Variants in ZNF500 observed in about 807,000 individuals in gnomAD.
The protein encoded by ZNF500 is zinc finger protein 500.
In ZNF500, 31 loss-of-function variants were observed where a neutral mutation model predicts 30.1. That is an observed-to-expected ratio of 1.03 (90% CI 0.77 to 1.39). The LOEUF (loss-of-function observed/expected upper bound fraction) is 1.39. ZNF500 is among the 40% of genes most tolerant of loss of function. The pLI is 0.00. For synonymous variants in ZNF500, 392 were observed against 282.0 expected, an observed-to-expected ratio of 1.39 and a Z score of -3.91; for missense variants, 817 against 657.8, an observed-to-expected ratio of 1.24 and a Z score of -2.65.
At position 4,752,488 on chromosome 16, in the gene ZNF500, C is replaced by A. The variant is rs373754612; in HGVS notation, c.1331G>T (p.Arg444Leu). ...CAGGTCGGTGCCCCGGCGGAAGCCC[C>A]GGCCACAGGCCGGGCAGGTGTAGGG... ...EKPYTCPACGRGFRRGTDLHK... is the reference protein window; with the variant it reads ...EKPYTCPACGLGFRRGTDLHK... The change falls in exon 6 of 6, where the codon CGG (arginine) becomes CTG (leucine). Residue 444 changes from arginine (R) to leucine (L), a missense_variant. Arg to Leu is a moderately radical substitution (Grantham distance 102). Coordinates refer to ENST00000219478, the MANE Select transcript of ZNF500 (RefSeq NM_021646.4). 3 of 1,548,688 alleles carry A rather than the reference C, an allele frequency of 1.9e-6. No homozygotes were observed. Among genetic ancestry groups the A allele is most frequent in the East Asian group, 2.4e-5 (1 of 41,366 alleles).
At position 4,752,519 on chromosome 16, in the gene ZNF500, C is replaced by G. The variant is rs1381178849; in HGVS notation, c.1300G>C (p.Glu434Gln). ...FSAHRRTHTG[E>Q]KPYTCPACGR... ...CAGGCCGGGCAGGTGTAGGGCTTCT[C>G]ACCTGTGTGCGTCCGGCGGTGGGCG... The change falls in exon 6 of 6, where the codon GAG becomes CAG. Residue 434 changes from glutamate (E) to glutamine (Q), a missense_variant. Transcript: ENST00000219478. 1 of 1,559,946 alleles carries G rather than the reference C, an allele frequency of 6.4e-7. No homozygotes were observed. The highest frequency in any genetic ancestry group is 1.9e-5 in the Admixed American group (1 of 52,858).
In ZNF500 at chr16:4,762,732, C is replaced by G. The variant is rs752327300; in HGVS notation, c.439G>C (p.Glu147Gln). ...QRGSELLSDD[E>Q]VPLGIGGQFL... The stretch of plus-strand genomic sequence containing the variant: ...TGTCCCCCTATCCCGAGGGGCACCT[C>G]GTCATCAGAAAGCAGCTCTGAGCCC... The change falls in exon 3 of 6, where the codon GAG becomes CAG. Residue 147 changes from glutamate (E) to glutamine (Q), a missense_variant. Glu to Gln is a conservative substitution (Grantham distance 29). Transcript: ENST00000219478. 6.2e-7 allele frequency: 1 copy of G among 1,611,184 alleles called. No homozygotes were observed. The highest frequency in any genetic ancestry group is 1.7e-5 in the Admixed American group (1 of 59,920).
chr16:4,754,535 G>C (rs985734438), intron 5 of ZNF500, among the ~76,000 whole-genome samples: 3 of 151,718 alleles, frequency 2.0e-5, no homozygotes. Context: ...GTAGTGGTGG[G>C]TGCCTGTAAT....
Position 4,752,358 on chromosome 16 carries a change from G to A in ZNF500, c.*18C>T. On this transcript the variant is annotated 3_prime_UTR_variant, in exon 6 of 6. Transcript: ENST00000219478. Reference sequence around the variant, plus strand: ...CCCAGGGATGAGAGTCCTGGAAAGGGAGTTTCAGGCCTGGTGATCAGGCTT... The same window carrying A: ...CCCAGGGATGAGAGTCCTGGAAAGGAAGTTTCAGGCCTGGTGATCAGGCTT... The A allele has an allele frequency of 6.8e-7, 1 of 1,467,616 alleles. No homozygotes were observed. Among genetic ancestry groups the A allele is most frequent in the Non-Finnish European group, 9.0e-7 (1 of 1,113,438 alleles). 90.9% of individuals were successfully genotyped at this position (1,467,616 alleles called of 1,614,324 possible).
At chr16:4,753,324 T>C in intron 5 of ZNF500, 1 of 534,826 alleles carries the variant, frequency 1.9e-6, no homozygotes, top group Admixed American at 3.9e-5. Flanking sequence ...TAGCTGGGCA[T>C]GGTGGCGTGT....
At position 4,766,078 on chromosome 16, in the gene ZNF500, T is replaced by G; in HGVS notation, c.-98-2A>C. 1,293 of 1,211,340 alleles carry G rather than the reference T, an allele frequency of 1.1e-3. No homozygotes were observed. Among genetic ancestry groups the G allele is most frequent in the Non-Finnish European group, 1.3e-3 (1,116 of 889,706 alleles). 75.0% of individuals were successfully genotyped at this position (1,211,340 alleles called of 1,614,324 possible). On this transcript the variant is annotated splice_acceptor_variant, in intron 1 of 5. Transcript: ENST00000219478. LOFTEE classifies it low-confidence loss of function (5UTR_SPLICE). ...AGGAAGAGAGTTTTTTTCAGGGCCC[T>G]GTGGAGAGACGATAAAACCATCTGA...
chr16:4,746,050 T>G, downstream of ZNF500: 1 of 227,320 alleles, frequency 4.4e-6, no homozygotes, highest in Non-Finnish European at 8.6e-6. Context: ...ACACCTAACG[T>G]GGTGAATGTG....
intron 5 of ZNF500, 46 bp downstream of exon 5, chr16:4,760,446 C>T (rs1009425695): frequency 1.3e-6 from 2 of 1,581,044 alleles, no homozygotes; most frequent in African/African-American, 1.3e-5. Flanking sequence ...CTGACAGTTC[C>T]TATTTTTGGC....
chr16:4,745,106 A>G, downstream of ZNF500: 11 of 1,442,210 alleles, frequency 7.6e-6, no homozygotes, highest in South Asian at 6.3e-5. Flanking sequence ...GGGGCACTCC[A>G]TGTGCATTTT....
chr16:4,756,948 A>G (rs993981604), intron 5 of ZNF500, among the ~76,000 whole-genome samples: 3 of 151,850 alleles, frequency 2.0e-5, no homozygotes, highest in African/African-American at 4.8e-5. Context: ...GTGCTACTGC[A>G]CTCCAACCTG....
intron 2 of ZNF500, chr16:4,763,117 G>A: frequency 1.0e-6 from 1 of 985,416 alleles, no homozygotes; most frequent in African/African-American, 1.7e-5. Context: ...AAATTATCTG[G>A]CCAGCTGCAA....
Position 4,752,586 on chromosome 16 carries a change from G to A in ZNF500, c.1233C>T (p.Cys411=). 1 of 1,587,700 alleles carries A rather than the reference G, an allele frequency of 6.3e-7. No homozygotes were observed. The highest frequency in any genetic ancestry group is 8.6e-7 in the Non-Finnish European group (1 of 1,167,968). The stretch of plus-strand genomic sequence containing the variant: ...TGTTGAAGCGCTTCCCGCACTGGGT[G>A]CAGGCATAGGGCCGCTCCCCGCTGT... ...RTHSGERPYA[C]TQCGKRFNNS... Residue 411 remains cysteine, a synonymous_variant, in exon 6 of 6, where the codon TGC becomes TGT. Coordinates refer to ENST00000219478, the MANE Select transcript of ZNF500 (RefSeq NM_021646.4).
In ZNF500 at chr16:4,766,070, C is replaced by G. The variant is rs2082262686; in HGVS notation, c.-92G>C. Reference sequence around the variant, plus strand: ...CCAGACACAGGAAGAGAGTTTTTTTCAGGGCCCTGTGGAGAGACGATAAAA... The same window carrying G: ...CCAGACACAGGAAGAGAGTTTTTTTGAGGGCCCTGTGGAGAGACGATAAAA... On this transcript the variant is annotated 5_prime_UTR_variant, in exon 2 of 6. Coordinates refer to ENST00000219478, the MANE Select transcript of ZNF500 (RefSeq NM_021646.4). 1 of 1,438,442 alleles carries G rather than the reference C, an allele frequency of 7.0e-7. No homozygotes were observed. Among genetic ancestry groups the G allele is most frequent in the East Asian group, 2.3e-5 (1 of 43,018 alleles). The allele number at this position is 1,438,442 out of a possible 1,614,324, so 89.1% of individuals were successfully genotyped here. A position where few individuals can be genotyped will look rare whatever the true frequency, so the allele number is the denominator to read the frequency against.
At chr16:4,746,419 A>C (rs763093298), downstream of ZNF500, 12 of 1,612,910 alleles carry the variant, frequency 7.4e-6, no homozygotes. Flanking sequence ...CCAGGCCCGC[A>C]GCTGGCCCAG....
chr16:4,762,247 G>A (rs766944706), intron 4 of ZNF500, 24 bp downstream of exon 4: 6 of 1,608,012 alleles, frequency 3.7e-6, no homozygotes, highest in Admixed American at 1.7e-5. Context: ...CCAGGATGCT[G>A]CAGACCAGGA....
rs1230898752 is a variant in ZNF500, at chr16:4,764,733, G to C, written c.414+832C>G. Reference sequence around the variant, plus strand: ...GGAGGCGGAGCTTGCAGTGAGCCGAGATTGCGCCACTGCTCTCCAGCCTGG... The same window carrying C: ...GGAGGCGGAGCTTGCAGTGAGCCGACATTGCGCCACTGCTCTCCAGCCTGG... On this transcript the variant is annotated intron_variant, in intron 2 of 5. Coordinates refer to ENST00000219478, the MANE Select transcript of ZNF500 (RefSeq NM_021646.4). Among the ~76,000 whole-genome samples the C allele has an allele frequency of 2.7e-5, 4 of 149,340 alleles. No homozygotes were observed. In the Admixed American group the frequency reaches 2.7e-4, roughly 10 times the overall value.
chr16:4,764,190 G>T, intron 2 of ZNF500: 1 of 636,012 alleles, frequency 1.6e-6, no homozygotes, highest in Non-Finnish European at 2.0e-6. Flanking sequence ...TGACGACTGA[G>T]CCCTTGAGAG....
chr16:4,751,583 C>A lies in ZNF500; in HGVS notation c.*793G>T, dbSNP rs1869909. 8 of 1,534,444 alleles carry A rather than the reference C, an allele frequency of 5.2e-6. No homozygotes were observed. The highest frequency in any genetic ancestry group is 1.4e-5 in the African/African-American group (1 of 73,008). On this transcript the variant is annotated 3_prime_UTR_variant, in exon 6 of 6. Transcript: ENST00000219478. ...AGCTGGAGACCACGTCCTGGGAAGG[C>A]TGGGGTACAGCAGGGCTCCCTGCAG...
At chr16:4,746,883 C>A (rs1464223508), downstream of ZNF500, 3 of 1,481,664 alleles carry the variant, frequency 2.0e-6, no homozygotes, top group Non-Finnish European at 2.7e-6. Flanking sequence ...GTTGGAACAC[C>A]AGGTGGAGTG....
Sources: allele counts gnomAD v4.1 joint callset (sites outside exome capture counted in the v4.1 genomes callset), GRCh38; gene constraint gnomAD v4.1.1; transcripts MANE v1.5; gene names NCBI Gene and HGNC (gene_info 2026-07-23, HGNC 2026-07-21).